The following NEK7 variants were observed in gnomAD, a reference collection of about 807,000 sequenced individuals.
NEK7 encodes serine/threonine-protein kinase Nek7.
Under a neutral mutation model 44.6 loss-of-function variants are expected in NEK7, and 18 were observed. The ratio of observed to expected loss-of-function variants is 0.40; its 90% CI spans 0.28 to 0.60. The LOEUF (loss-of-function observed/expected upper bound fraction) is 0.60, where lower values mean the gene tolerates loss of function less well. Among genes scored for constraint, NEK7 ranks in the 20% least tolerant of loss-of-function variants. The pLI is 0.38. For missense variants in NEK7, 256 were observed against 366.5 expected (o/e 0.70, Z 2.46); for synonymous variants, 130 against 121.1 (o/e 1.07, Z -0.48).
chr1:198,188,111 C>T (rs914209167), intron 1 of NEK7, among the ~76,000 whole-genome samples: 1 of 152,178 alleles, frequency 6.6e-6, no homozygotes, highest in South Asian at 2.1e-4. Context: ...TTTTAATAGT[C>T]ATAGTGACAT....
intron 5 of NEK7, among the ~76,000 whole-genome samples, chr1:198,264,620 A>G (rs1203411686): frequency 2.0e-5 from 3 of 151,946 alleles, no homozygotes; most frequent in African/African-American, 7.2e-5. Flanking sequence ...CTTGGGGGGG[A>G]ATCCATCAAA....
intron 5 of NEK7, among the ~76,000 whole-genome samples, chr1:198,277,112 G>A (rs1654042815): frequency 6.6e-6 from 1 of 151,678 alleles, no homozygotes; most frequent in Admixed American, 6.6e-5. Flanking sequence ...TCATTTATAG[G>A]TATTGTTAAA....
chr1:198,301,003 G>C (rs1168461906), intron 9 of NEK7, among the ~76,000 whole-genome samples: 1 of 152,078 alleles, frequency 6.6e-6, no homozygotes, highest in Non-Finnish European at 1.5e-5. Context: ...TAATTTCTTT[G>C]AGAGACATTG....
intron 1 of NEK7, among the ~76,000 whole-genome samples, chr1:198,169,577 A>G (rs1439654242): frequency 1.4e-5 from 2 of 140,466 alleles, no homozygotes; most frequent in East Asian, 2.0e-4. Context: ...AGTCATATCT[A>G]ACAACTTACT....
chr1:198,244,975 G>C lies in NEK7; in HGVS notation c.58-8065G>C, dbSNP rs985448979. On this transcript the variant is annotated intron_variant, in intron 2 of 9. Transcript: ENST00000367385. ...CTCCCTAAAAGCTTAACTATAAATAGCCTACTGTTGACTAGAAGCCTTACT... is the reference window on the plus strand; with the variant it reads ...CTCCCTAAAAGCTTAACTATAAATACCCTACTGTTGACTAGAAGCCTTACT... Among the ~76,000 whole-genome samples, 53 of 152,102 alleles carry C rather than the reference G, an allele frequency of 3.5e-4. 1 individual carries two copies. The highest frequency in any genetic ancestry group is 1.2e-3 in the African/African-American group (49 of 41,416).
At chr1:198,198,874 A>C (rs564616135) in intron 1 of NEK7, among the ~76,000 whole-genome samples, 1 of 152,248 alleles carries the variant, frequency 6.6e-6, no homozygotes, top group Non-Finnish European at 1.5e-5. Flanking sequence ...CAGATGCCTG[A>C]GATATTTCAC....
intron 2 of NEK7, among the ~76,000 whole-genome samples, chr1:198,249,085 C>T (rs911908119): frequency 7.1e-6 from 1 of 141,028 alleles, no homozygotes; most frequent in Non-Finnish European, 1.5e-5. Flanking sequence ...GTTCCCCTTC[C>T]TGTGTCCATG....
At chr1:198,208,869 T>G (rs987654942) in intron 1 of NEK7, among the ~76,000 whole-genome samples, 2 of 152,222 alleles carry the variant, frequency 1.3e-5, no homozygotes, top group Admixed American at 6.5e-5. Context: ...ATATAGCCTC[T>G]TAGCATCTCA....
chr1:198,171,596 T>A (rs868106256), intron 1 of NEK7, among the ~76,000 whole-genome samples: 1 of 151,340 alleles, frequency 6.6e-6, no homozygotes, highest in African/African-American at 2.4e-5. Flanking sequence ...GGAGAATCGC[T>A]GGAACCCAGG....
chr1:198,284,011 A>G (rs1654292936), intron 7 of NEK7, among the ~76,000 whole-genome samples: 1 of 152,110 alleles, frequency 6.6e-6, no homozygotes, highest in Non-Finnish European at 1.5e-5. Context: ...GGCCTGTTGA[A>G]TTGGTCAATC....
chr1:198,270,007 A>G (rs555668614), intron 5 of NEK7, among the ~76,000 whole-genome samples: 14 of 152,182 alleles, frequency 9.2e-5, no homozygotes, highest in African/African-American at 3.4e-4. Context: ...GTTAAATTGG[A>G]CACATACATG....
chr1:198,157,319 C>T (rs1663922416), intron 1 of NEK7, 43 bp downstream of exon 1: 1 of 152,262 alleles, frequency 6.6e-6, no homozygotes, highest in Non-Finnish European at 1.5e-5. Flanking sequence ...CCGGGCAGCT[C>T]CTGCCGGGAG....
chr1:198,205,335 G>A (rs1315889391), intron 1 of NEK7, among the ~76,000 whole-genome samples: 1 of 152,182 alleles, frequency 6.6e-6, no homozygotes, highest in Non-Finnish European at 1.5e-5. Context: ...TACTGTGCCA[G>A]TCTCAAACCT....
intron 1 of NEK7, among the ~76,000 whole-genome samples, chr1:198,180,260 A>G (rs764032870): frequency 5.3e-5 from 8 of 149,720 alleles, no homozygotes; most frequent in Non-Finnish European, 1.1e-4. Flanking sequence ...AAGCCTTTGC[A>G]TCATAGAGAA....
intron 1 of NEK7, among the ~76,000 whole-genome samples, chr1:198,206,615 A>G (rs1665607756): frequency 6.6e-6 from 1 of 152,052 alleles, no homozygotes; most frequent in African/African-American, 2.4e-5. Flanking sequence ...GTATTGCCCT[A>G]TTGGGAAATG....
In NEK7 at chr1:198,167,758, G is replaced by A. The variant is rs568569565; in HGVS notation, c.-29+10482G>A. Among the ~76,000 whole-genome samples the A allele has an allele frequency of 2.0e-5, 3 of 152,236 alleles. No individual in the cohort carries two copies. In the South Asian group the frequency reaches 6.2e-4, roughly 32 times the overall value. ...CTGTAGTTCTCTATCTTGTTTCACA[G>A]CTCGACTGCACCAGACTTTTCTGTC... On this transcript the variant is annotated intron_variant, in intron 1 of 9. Coordinates refer to ENST00000367385, the MANE Select transcript of NEK7 (RefSeq NM_133494.3).
intron 8 of NEK7, among the ~76,000 whole-genome samples, chr1:198,293,695 G>A (rs1475075146): frequency 6.6e-6 from 1 of 151,910 alleles, no homozygotes; most frequent in Non-Finnish European, 1.5e-5. Flanking sequence ...TGGTATAAAA[G>A]TATCTCAAGC....
intron 1 of NEK7, among the ~76,000 whole-genome samples, chr1:198,215,420 T>C (rs1665890721): frequency 6.6e-6 from 1 of 152,222 alleles, no homozygotes; most frequent in Admixed American, 6.5e-5. Context: ...AGGATATCTT[T>C]GAATGCAGCC....
intron 1 of NEK7, among the ~76,000 whole-genome samples, chr1:198,167,172 T>G (rs1664292551): frequency 6.6e-6 from 1 of 152,176 alleles, no homozygotes; most frequent in African/African-American, 2.4e-5. Flanking sequence ...GATATATCAC[T>G]CCATTCTCTG....
Sources: allele counts gnomAD v4.1 joint callset (sites outside exome capture counted in the v4.1 genomes callset), GRCh38; gene constraint gnomAD v4.1.1; transcripts MANE v1.5; gene names NCBI Gene and HGNC (gene_info 2026-07-23, HGNC 2026-07-21).